Variants in TAFA2 observed in about 807,000 individuals in gnomAD.
The protein encoded by TAFA2 is TAFA chemokine like family member 2, also known as chemokine-like protein TAFA-2.
A neutral mutation model predicts 18.8 loss-of-function variants in TAFA2; 7 were observed. That is an observed-to-expected ratio of 0.37 (90% CI 0.21 to 0.70). The LOEUF (loss-of-function observed/expected upper bound fraction) is 0.70. Ranked by LOEUF, TAFA2 falls within the 30% of genes least tolerant of loss-of-function variation. TAFA2 has a pLI of 0.53. For synonymous variants in TAFA2, 60 were observed against 54.2 expected, an observed-to-expected ratio of 1.11 and a Z score of -0.47; for missense variants, 122 against 158.1, an observed-to-expected ratio of 0.77 and a Z score of 1.23.
At chr12:62,131,351 T>C (rs1369829712) in intron 1 of TAFA2, among the ~76,000 whole-genome samples, 3 of 151,958 alleles carry the variant, frequency 2.0e-5, no homozygotes, top group Admixed American at 2.0e-4. Flanking sequence ...CAACAGCAAA[T>C]AGTTAGCTCC....
At chr12:62,199,594 G>GTATATA (rs527699166) in intron 1 of TAFA2, among the ~76,000 whole-genome samples, 59 of 150,302 alleles carry the variant, frequency 3.9e-4, no homozygotes, top group African/African-American at 1.3e-3. Flanking sequence ...GTATGTGTGT[G>GTATATA]TATATATATA....
At chr12:62,091,237 C>T (rs1350460717) in intron 1 of TAFA2, among the ~76,000 whole-genome samples, 1 of 151,862 alleles carries the variant, frequency 6.6e-6, no homozygotes, top group African/African-American at 2.4e-5. Flanking sequence ...GCAACTATAG[C>T]ATTTATATCT....
At chr12:62,212,261 A>AC (rs1284133399) in intron 1 of TAFA2, among the ~76,000 whole-genome samples, 10 of 152,152 alleles carry the variant, frequency 6.6e-5, no homozygotes, top group African/African-American at 2.4e-4. Flanking sequence ...AATATCCCAG[A>AC]CCCAAAACCT....
At chr12:61,929,240 G>A (rs1877446453) in intron 1 of TAFA2, among the ~76,000 whole-genome samples, 2 of 151,244 alleles carry the variant, frequency 1.3e-5, no homozygotes, top group Non-Finnish European at 2.9e-5. Context: ...ATATTCTACA[G>A]CAATGATTGT....
chr12:61,970,945 A>T (rs1241561040), intron 1 of TAFA2, among the ~76,000 whole-genome samples: 1 of 151,722 alleles, frequency 6.6e-6, no homozygotes, highest in Admixed American at 6.6e-5. Context: ...TCACGAATTT[A>T]AAACAGGAGA....
At chr12:61,873,715 G>C (rs1359965747) in intron 1 of TAFA2, among the ~76,000 whole-genome samples, 3 of 152,070 alleles carry the variant, frequency 2.0e-5, no homozygotes, top group Non-Finnish European at 4.4e-5. Flanking sequence ...AGGGCATCGA[G>C]AGCTACAAGT....
intron 1 of TAFA2, among the ~76,000 whole-genome samples, chr12:62,187,718 T>C (rs926528100): frequency 5.3e-5 from 8 of 152,128 alleles, no homozygotes; most frequent in Admixed American, 2.6e-4. Context: ...TTCTAAAAAT[T>C]ACCCAATAAG....
At chr12:62,066,720 T>C (rs1882498828) in intron 1 of TAFA2, among the ~76,000 whole-genome samples, 1 of 151,662 alleles carries the variant, frequency 6.6e-6, no homozygotes, top group East Asian at 1.9e-4. Flanking sequence ...CATCTATTGA[T>C]GAACACAGGT....
chr12:61,862,787 A>G (rs1874181097), intron 2 of TAFA2, among the ~76,000 whole-genome samples: 2 of 152,158 alleles, frequency 1.3e-5, no homozygotes, highest in African/African-American at 4.8e-5. Flanking sequence ...ACTCTACTGG[A>G]AACTTTAGAT....
At chr12:61,825,153 G>A (rs1207742751) in intron 2 of TAFA2, among the ~76,000 whole-genome samples, 2 of 152,050 alleles carry the variant, frequency 1.3e-5, no homozygotes, top group Non-Finnish European at 2.9e-5. Flanking sequence ...AAGCCATCAT[G>A]GTTTATTGGA....
chr12:62,180,579 T>C (rs1178413763), intron 1 of TAFA2, among the ~76,000 whole-genome samples: 1 of 152,234 alleles, frequency 6.6e-6, no homozygotes, highest in Non-Finnish European at 1.5e-5. Flanking sequence ...ATGTGTTTTT[T>C]AAATAATCAA....
intron 1 of TAFA2, among the ~76,000 whole-genome samples, chr12:61,889,179 C>T (rs1317728497): frequency 1.3e-5 from 2 of 152,194 alleles, no homozygotes; most frequent in African/African-American, 4.8e-5. Context: ...AGGTCCATGA[C>T]ACACCGAAAG....
At chr12:61,816,088 A>G (rs1872072584) in intron 2 of TAFA2, among the ~76,000 whole-genome samples, 1 of 151,294 alleles carries the variant, frequency 6.6e-6, no homozygotes, top group African/African-American at 2.5e-5. Flanking sequence ...AACTCATGTC[A>G]TGGGGGTTTG....
At chr12:61,931,669 G>A (rs537814832) in intron 1 of TAFA2, among the ~76,000 whole-genome samples, 6 of 152,314 alleles carry the variant, frequency 3.9e-5, no homozygotes, top group African/African-American at 9.6e-5. Flanking sequence ...GGAAGGTACA[G>A]TTTAACTCTA....
intron 4 of TAFA2, among the ~76,000 whole-genome samples, chr12:61,751,328 T>G (rs890790450): frequency 4.6e-5 from 7 of 152,066 alleles, no homozygotes; most frequent in African/African-American, 1.7e-4. Context: ...GCCTTTCTAT[T>G]TGGAATGCCA....
At chr12:61,803,750 T>C (rs1166034107) in intron 2 of TAFA2, among the ~76,000 whole-genome samples, 2 of 151,944 alleles carry the variant, frequency 1.3e-5, no homozygotes, top group Non-Finnish European at 1.5e-5. Context: ...GCTAGTTAAA[T>C]GAATTATTGA....
At chr12:61,838,097 C>A (rs1181158634) in intron 2 of TAFA2, among the ~76,000 whole-genome samples, 5 of 151,948 alleles carry the variant, frequency 3.3e-5, no homozygotes. Flanking sequence ...CAATGCCTTT[C>A]TGGTGGTAGA....
chr12:61,764,261 T>TAGATAGATAGATAGA (rs68057414), intron 2 of TAFA2, among the ~76,000 whole-genome samples: 1 of 151,818 alleles, frequency 6.6e-6, no homozygotes, highest in Non-Finnish European at 1.5e-5. Flanking sequence ...GATAGATAGA[T>TAGATAGATAGATAGA]TTTTAATGGC....
intron 1 of TAFA2, among the ~76,000 whole-genome samples, chr12:61,896,539 G>C (rs1395250014): frequency 6.6e-6 from 1 of 152,160 alleles, no homozygotes; most frequent in East Asian, 1.9e-4. Flanking sequence ...AGTGCTTGAA[G>C]CTCTTCCCTT....
Sources: gnomAD v4.1 joint callset for allele counts (sites outside exome capture counted in the v4.1 genomes callset) on GRCh38, gnomAD v4.1.1 for gene constraint, MANE v1.5 for transcripts, NCBI Gene and HGNC (gene_info 2026-07-23, HGNC 2026-07-21) for gene names.